TMEM178B: variants seen among roughly 807,000 people sequenced by gnomAD.
TMEM178B encodes transmembrane protein 178B.
Under a neutral mutation model 31.0 loss-of-function variants are expected in TMEM178B, and 5 were observed. That is an observed-to-expected ratio of 0.16 (90% CI 0.08 to 0.34). The LOEUF (loss-of-function observed/expected upper bound fraction) is 0.34. Among genes scored for constraint, TMEM178B ranks in the 10% least tolerant of loss-of-function variants. The pLI is 1.00. For missense variants in TMEM178B, 275 were observed against 400.3 expected (o/e 0.69, Z 2.67); for synonymous variants, 164 against 164.0 (o/e 1.00, Z 0.00).
At chr7:141,147,588 G>A (rs1586795478) in intron 1 of TMEM178B, among the ~76,000 whole-genome samples, 1 of 152,288 alleles carries the variant, frequency 6.6e-6, no homozygotes, top group East Asian at 1.9e-4. Flanking sequence ...ATGGAGAGGA[G>A]GGGTGAGCAT....
chr7:141,207,394 A>G (rs1796983896), intron 1 of TMEM178B, among the ~76,000 whole-genome samples: 1 of 152,202 alleles, frequency 6.6e-6, no homozygotes, highest in African/African-American at 2.4e-5. Context: ...ACTGATTTAC[A>G]TTCCCACCAA....
downstream of TMEM178B, among the ~76,000 whole-genome samples, chr7:141,480,958 CTGATA>C (rs1383378523): frequency 6.6e-6 from 1 of 152,160 alleles, no homozygotes; most frequent in African/African-American, 2.4e-5. Flanking sequence ...CTGGCTGTGT[CTGATA>C]TAAGTGGGAA....
At chr7:141,355,434 T>C (rs1799802813) in intron 2 of TMEM178B, among the ~76,000 whole-genome samples, 1 of 152,102 alleles carries the variant, frequency 6.6e-6, no homozygotes, top group South Asian at 2.1e-4. Flanking sequence ...TTGAGAGAGA[T>C]GCAGAGCAGA....
intron 1 of TMEM178B, among the ~76,000 whole-genome samples, chr7:141,105,956 G>A (rs547334816): frequency 1.3e-5 from 2 of 152,040 alleles, no homozygotes; most frequent in South Asian, 2.1e-4. Flanking sequence ...TTAGCCGGGC[G>A]TGGTAGTGCA....
chr7:141,410,711 C>T (rs1800970375), intron 2 of TMEM178B, among the ~76,000 whole-genome samples: 2 of 152,124 alleles, frequency 1.3e-5, no homozygotes, highest in South Asian at 4.2e-4. Context: ...AACCTCCTCA[C>T]CTCTTTTTTG....
Position 141,198,319 on chromosome 7 carries a change from A to C in TMEM178B, c.383-14272A>C, listed in dbSNP as rs559082564. On this transcript the variant is annotated intron_variant, in intron 1 of 3. Coordinates refer to ENST00000565468, the MANE Select transcript of TMEM178B (RefSeq NM_001195278.2). ...CTTGACTGGGGAGAAGCTGGCCAGC[A>C]GAGTGTCTGCCATCAGGTCCCAAAG... Among the ~76,000 whole-genome samples the C allele has an allele frequency of 6.7e-4, 102 of 152,346 alleles. 1 individual carries two copies. Among genetic ancestry groups the C allele is most frequent in the African/African-American group, 2.2e-3 (91 of 41,588 alleles).
chr7:141,263,986 TC>T (rs1798056168), intron 2 of TMEM178B, among the ~76,000 whole-genome samples: 1 of 152,336 alleles, frequency 6.6e-6, no homozygotes, highest in African/African-American at 2.4e-5. Flanking sequence ...GCTTCTGTTG[TC>T]CTCTCCCCTT....
At chr7:141,246,925 A>T (rs1292884455) in intron 2 of TMEM178B, among the ~76,000 whole-genome samples, 2 of 152,052 alleles carry the variant, frequency 1.3e-5, no homozygotes, top group African/African-American at 2.4e-5. Flanking sequence ...TAAAGAGCTT[A>T]TTGCTCTCTA....
chr7:141,226,723 G>A (rs1797347534), intron 2 of TMEM178B, among the ~76,000 whole-genome samples: 1 of 151,970 alleles, frequency 6.6e-6, no homozygotes, highest in Non-Finnish European at 1.5e-5. Flanking sequence ...GCCGGGCATG[G>A]TGGTGCATGC....
rs544599172 is a variant in TMEM178B at position 141,327,771 on chromosome 7, G to A, written c.497-109837G>A. Among the ~76,000 whole-genome samples, 3 of 152,222 alleles carry A rather than the reference G, an allele frequency of 2.0e-5. No individual in the cohort carries two copies. The South Asian group carries it at 6.2e-4, about 32-fold the overall frequency. On this transcript the variant is annotated intron_variant, in intron 2 of 3. Transcript: ENST00000565468. ...GGTTCCCTATAAAAGGATGAGTTTA[G>A]CCACTGCACCAAGCCACAGTTGTGT... is the stretch of plus-strand genomic sequence containing the variant.
chr7:141,175,882 AT>A (rs1796425338), intron 1 of TMEM178B, among the ~76,000 whole-genome samples: 1 of 152,226 alleles, frequency 6.6e-6, no homozygotes, highest in South Asian at 2.1e-4. Context: ...TTTTCTAAAT[AT>A]ACAAACATGT....
intron 1 of TMEM178B, among the ~76,000 whole-genome samples, chr7:141,136,600 A>G (rs1365691882): frequency 2.0e-5 from 3 of 152,256 alleles, no homozygotes; most frequent in Non-Finnish European, 4.4e-5. Flanking sequence ...GTAGAATGGT[A>G]GAAAAGAATT....
At chr7:141,139,481 G>C (rs1437803967) in intron 1 of TMEM178B, among the ~76,000 whole-genome samples, 1 of 152,072 alleles carries the variant, frequency 6.6e-6, no homozygotes, top group East Asian at 1.9e-4. Flanking sequence ...CCCCTGAGTA[G>C]CTGGGACTAC....
At chr7:141,438,823 C>CCAAGATCGTGCCA (rs1253362926) in intron 3 of TMEM178B, among the ~76,000 whole-genome samples, 5 of 148,976 alleles carry the variant, frequency 3.4e-5, no homozygotes, top group Middle Eastern at 3.3e-3. Context: ...TTGCAGTAAG[C>CCAAGATCGTGCCA]CAAGATCGTG....
chr7:141,404,063 T>TG (rs1326777832), intron 2 of TMEM178B, among the ~76,000 whole-genome samples: 3 of 152,160 alleles, frequency 2.0e-5, no homozygotes, highest in Non-Finnish European at 4.4e-5. Context: ...CCCAGCACTC[T>TG]GGGGGGCCGA....
rs1586753824 is a variant in TMEM178B at position 141,074,694 on chromosome 7, T to G, written c.382+2T>G. ...AGATCGCCGCCCTCATTCGGAAAGG[T>G]AAGCGCCGGGCGCAAGGCGTGGCGC... is the stretch of plus-strand genomic sequence containing the variant. On this transcript the variant is annotated splice_donor_variant, in intron 1 of 3. Coordinates refer to ENST00000565468, the MANE Select transcript of TMEM178B (RefSeq NM_001195278.2). LOFTEE classifies it high-confidence loss of function. The surrounding 1 kb of genome is among the most constrained non-coding windows in gnomAD (Gnocchi z 5.1). The G allele has an allele frequency of 6.7e-7, 1 of 1,485,732 alleles. No homozygotes were observed. Among genetic ancestry groups the G allele is most frequent in the African/African-American group, 1.4e-5 (1 of 71,466 alleles). The allele number at this position is 1,485,732 out of a possible 1,614,324, so 92.0% of individuals were successfully genotyped here.
chr7:141,219,131 A>G (rs1396680364), intron 2 of TMEM178B, among the ~76,000 whole-genome samples: 3 of 152,162 alleles, frequency 2.0e-5, no homozygotes, highest in Admixed American at 2.0e-4. Context: ...TCCTCCCAGG[A>G]GTCCCTCCCG....
chr7:141,455,447 C>A (rs1218049923), intron 3 of TMEM178B, among the ~76,000 whole-genome samples: 2 of 152,172 alleles, frequency 1.3e-5, no homozygotes, highest in East Asian at 3.8e-4. Context: ...AAGAGAGATT[C>A]TCTGCTTATA....
chr7:141,428,759 C>T (rs2108941), intron 2 of TMEM178B, among the ~76,000 whole-genome samples: 7,109 of 152,258 alleles, frequency 0.047, 223 homozygotes, highest in Admixed American at 0.069. Context: ...TCAAGTTGCC[C>T]GCTAGGCCCT....
Sources: allele counts gnomAD v4.1 joint callset (sites outside exome capture counted in the v4.1 genomes callset), GRCh38; gene constraint gnomAD v4.1.1; non-coding constraint Gnocchi (gnomAD v3.1); transcripts MANE v1.5; gene names NCBI Gene and HGNC (gene_info 2026-07-23, HGNC 2026-07-21).